TNR: variants seen among roughly 807,000 people sequenced by gnomAD.
The protein encoded by TNR is tenascin-R.
A neutral mutation model predicts 150.4 loss-of-function variants in TNR; 45 were observed. The observed-to-expected ratio is 0.30, with a 90% CI of 0.24 to 0.38. The LOEUF is 0.38. Ranked by LOEUF, TNR falls within the 10% of genes least tolerant of loss-of-function variation. TNR has a pLI of 1.00. For missense variants in TNR, 1,544 were observed against 1,759.1 expected (o/e 0.88, Z 2.19); for synonymous variants, 687 against 678.4 (o/e 1.01, Z -0.20).
chr1:175,617,383 G>A (rs1663815341), intron 1 of TNR, among the ~76,000 whole-genome samples: 1 of 152,010 alleles, frequency 6.6e-6, no homozygotes, highest in Non-Finnish European at 1.5e-5. Context: ...GACACAGCTT[G>A]CATTTCAATT....
intron 1 of TNR, among the ~76,000 whole-genome samples, chr1:175,638,826 A>AT (rs978261758): frequency 5.3e-5 from 8 of 151,980 alleles, no homozygotes; most frequent in Non-Finnish European, 1.0e-4. Context: ...GGCATCTAGA[A>AT]TTTTTTTTCA....
At chr1:175,501,746 T>C (rs1301538751) in intron 2 of TNR, among the ~76,000 whole-genome samples, 1 of 152,210 alleles carries the variant, frequency 6.6e-6, no homozygotes, top group African/African-American at 2.4e-5. Context: ...TGTCTCTCTT[T>C]TTGCCACCTA....
chr1:175,425,034 C>T (rs1230758693), intron 2 of TNR, among the ~76,000 whole-genome samples: 1 of 152,086 alleles, frequency 6.6e-6, no homozygotes, highest in Non-Finnish European at 1.5e-5. Flanking sequence ...GAGTAATTCT[C>T]ACCCGAAACA....
At chr1:175,637,662 T>TTAGCTG (rs1415085259) in intron 1 of TNR, among the ~76,000 whole-genome samples, 1 of 152,174 alleles carries the variant, frequency 6.6e-6, no homozygotes. Context: ...GGGGCCAAAA[T>TTAGCTG]AATCCAGGTA....
At chr1:175,695,664 T>C (rs1005885768) in intron 1 of TNR, among the ~76,000 whole-genome samples, 1 of 152,196 alleles carries the variant, frequency 6.6e-6, no homozygotes, top group Admixed American at 6.5e-5. Context: ...TCTTCCTTAT[T>C]TGAGTCCTAC....
chr1:175,718,881 C>T (rs1164558554), intron 1 of TNR, among the ~76,000 whole-genome samples: 4 of 152,228 alleles, frequency 2.6e-5, no homozygotes, highest in Non-Finnish European at 5.9e-5. Context: ...CACTTAGACT[C>T]TGTTGGTGCT....
intron 1 of TNR, among the ~76,000 whole-genome samples, chr1:175,536,929 G>A (rs1248525612): frequency 1.3e-5 from 2 of 152,196 alleles, no homozygotes; most frequent in Admixed American, 6.5e-5. Flanking sequence ...TTCTTGGGAT[G>A]AGCCTTCCTT....
intron 1 of TNR, among the ~76,000 whole-genome samples, chr1:175,695,177 GC>G (rs1427733905): frequency 6.6e-6 from 1 of 152,178 alleles, no homozygotes; most frequent in Non-Finnish European, 1.5e-5. Context: ...GCTTCCTGTT[GC>G]TCTCCTTTTT....
chr1:175,330,165 T>A lies in TNR; in HGVS notation c.3702A>T (p.Gln1234His), dbSNP rs2027867. 6.2e-7 allele frequency: 1 copy of A among 1,613,170 alleles called. No individual in the cohort carries two copies. Among genetic ancestry groups the A allele is most frequent in the Non-Finnish European group, 8.5e-7 (1 of 1,179,316 alleles). The change falls in exon 21 of 23, where the codon CAA becomes CAT. Residue 1234 changes from glutamine to histidine, a missense_variant. Coordinates refer to ENST00000367674, the MANE Select transcript of TNR (RefSeq NM_003285.3). ...TGTCGTAGGAGGCGAAGGCGGCCTCTTGGCCATCCCGCATGTCCACGCGCA... is the reference window on the plus strand; with the variant it reads ...TGTCGTAGGAGGCGAAGGCGGCCTCATGGCCATCCCGCATGTCCACGCGCA... The part of the protein sequence containing the change: ...YELRVDMRDG[Q>H]EAAFASYDRF...
At chr1:175,467,553 G>C (rs551466901) in intron 2 of TNR, among the ~76,000 whole-genome samples, 4 of 152,184 alleles carry the variant, frequency 2.6e-5, no homozygotes, top group African/African-American at 9.7e-5. Context: ...GATGTTTGAT[G>C]GGCTTTGGCA....
chr1:175,391,202 T>C (rs1653149734), intron 7 of TNR, 86 bp downstream of exon 7: 1 of 1,524,072 alleles, frequency 6.6e-7, no homozygotes, highest in Admixed American at 2.0e-5. Context: ...GCACCTCTGT[T>C]GTCTCTCCAC....
intron 1 of TNR, among the ~76,000 whole-genome samples, chr1:175,642,448 T>C (rs1664694337): frequency 6.6e-6 from 1 of 152,228 alleles, no homozygotes; most frequent in Admixed American, 6.5e-5. Context: ...GAACTTGGGC[T>C]TTTTGTAAGC....
intron 1 of TNR, among the ~76,000 whole-genome samples, chr1:175,741,892 C>T (rs557169646): frequency 1.3e-5 from 2 of 152,296 alleles, no homozygotes; most frequent in East Asian, 3.9e-4. Context: ...TATGTATCTC[C>T]CCTGTCTCAA....
intron 1 of TNR, among the ~76,000 whole-genome samples, chr1:175,649,403 A>C (rs1181598628): frequency 6.6e-6 from 1 of 152,116 alleles, no homozygotes; most frequent in Non-Finnish European, 1.5e-5. Context: ...CTCAGTACTC[A>C]GTTCTGATTT....
At chr1:175,326,284 G>T (rs1232871660) in intron 21 of TNR, among the ~76,000 whole-genome samples, 1 of 152,084 alleles carries the variant, frequency 6.6e-6, no homozygotes, top group Non-Finnish European at 1.5e-5. Flanking sequence ...TGTTGTGAAG[G>T]GGGCTCATGC....
chr1:175,534,245 C>G (rs149455186), intron 1 of TNR, among the ~76,000 whole-genome samples: 1,781 of 152,318 alleles, frequency 0.012, 39 homozygotes, highest in African/African-American at 0.039. Flanking sequence ...TGGGGCCTGC[C>G]TCCCTTGTGT....
intron 2 of TNR, among the ~76,000 whole-genome samples, chr1:175,413,633 G>A (rs116626992): frequency 2.0e-5 from 3 of 151,890 alleles, no homozygotes; most frequent in Admixed American, 2.0e-4. Context: ...GAATGAGTAA[G>A]AGTCCAGGAC....
At chr1:175,382,706 C>A (rs1026069708) in intron 8 of TNR, among the ~76,000 whole-genome samples, 3 of 152,120 alleles carry the variant, frequency 2.0e-5, no homozygotes, top group African/African-American at 7.2e-5. Flanking sequence ...TCGAGACCAT[C>A]CTGGCTAACA....
chr1:175,541,896 G>A (rs564488607), intron 1 of TNR, among the ~76,000 whole-genome samples: 44 of 152,250 alleles, frequency 2.9e-4, no homozygotes, highest in African/African-American at 1.1e-3. Context: ...AATTGCCAAC[G>A]TTTGACCACA....
Sources: allele counts gnomAD v4.1 joint callset (sites outside exome capture counted in the v4.1 genomes callset), GRCh38; gene constraint gnomAD v4.1.1; transcripts MANE v1.5; gene names NCBI Gene and HGNC (gene_info 2026-07-23, HGNC 2026-07-21).